Variants in MED26 observed in about 807,000 individuals in gnomAD.
MED26 encodes the protein mediator of RNA polymerase II transcription subunit 26.
In MED26, 7 loss-of-function variants were observed where a neutral mutation model predicts 43.7. The observed-to-expected ratio is 0.16, with a 90% CI of 0.09 to 0.30. MED26 has a LOEUF of 0.30. MED26 is among the 10% of genes least tolerant of loss of function. The pLI is 1.00. For synonymous variants in MED26, 375 were observed against 371.1 expected (o/e 1.01, Z -0.12); for missense variants, 784 against 840.6 (o/e 0.93, Z 0.83).
intron 1 of MED26, among the ~76,000 whole-genome samples, chr19:16,606,493 G>A (rs1442632444): frequency 6.6e-6 from 1 of 152,174 alleles, no homozygotes; most frequent in Non-Finnish European, 1.5e-5. Context: ...AGGTTGCAGT[G>A]AGCCAAGATC....
chr19:16,605,418 G>A (rs1415300876), intron 1 of MED26, among the ~76,000 whole-genome samples: 3 of 152,218 alleles, frequency 2.0e-5, no homozygotes, highest in Non-Finnish European at 2.9e-5. Context: ...AGACTGAGAT[G>A]AGAACTGAAG....
intron 1 of MED26, 129 bp from the exon 2 acceptor site, chr19:16,578,538 C>T (rs966965230): frequency 1.3e-6 from 1 of 797,012 alleles, no homozygotes; most frequent in African/African-American, 1.7e-5. Flanking sequence ...CTGAAGCCCC[C>T]ACTCCATGTC....
chr19:16,602,447 A>G (rs1214046365), intron 1 of MED26, among the ~76,000 whole-genome samples: 1 of 152,124 alleles, frequency 6.6e-6, no homozygotes, highest in African/African-American at 2.4e-5. Context: ...CCACCTTTCT[A>G]AACTTAACTC....
At chr19:16,593,015 G>A (rs1269137849) in intron 1 of MED26, among the ~76,000 whole-genome samples, 1 of 152,180 alleles carries the variant, frequency 6.6e-6, no homozygotes, top group Non-Finnish European at 1.5e-5. Flanking sequence ...GGCTGGCGCC[G>A]ACTCTGTAGG....
In MED26 at chr19:16,597,882, C is replaced by T. The variant is rs142886064; in HGVS notation, c.73-19473G>A. Among the ~76,000 whole-genome samples the T allele has an allele frequency of 6.6e-3, 1,010 of 152,194 alleles. 12 individuals are homozygous for T. Among genetic ancestry groups the T allele is most frequent in the African/African-American group, 0.023 (962 of 41,536 alleles). On this transcript the variant is annotated intron_variant, in intron 1 of 2. Coordinates refer to ENST00000263390, the MANE Select transcript of MED26 (RefSeq NM_004831.5). ...GGATTACAGGTGTGCACCACCTTGC[C>T]CGGCTAATTTTTTTGTATTTTTAGT...
chr19:16,608,098 A>C (rs2086182547), intron 1 of MED26, among the ~76,000 whole-genome samples: 1 of 152,208 alleles, frequency 6.6e-6, no homozygotes, highest in African/African-American at 2.4e-5. Flanking sequence ...ACACGTTCCA[A>C]TACATCTCCT....
At chr19:16,582,736 G>A (rs2086052058) in intron 1 of MED26, among the ~76,000 whole-genome samples, 1 of 152,206 alleles carries the variant, frequency 6.6e-6, no homozygotes. Context: ...TCCCAGGGAG[G>A]TCAAAAAAGG....
intron 1 of MED26, chr19:16,589,527 C>T (rs944348545): frequency 5.3e-5 from 8 of 151,942 alleles, no homozygotes; most frequent in Admixed American, 4.6e-4. Flanking sequence ...CAAAAAAACA[C>T]ATTTTTTTTT....
intron 1 of MED26, among the ~76,000 whole-genome samples, chr19:16,605,166 G>C (rs2086166883): frequency 6.6e-6 from 1 of 152,232 alleles, no homozygotes; most frequent in East Asian, 1.9e-4. Context: ...TAAATAAAAA[G>C]ACAAATGTGA....
chr19:16,583,564 T>C (rs2086056165), intron 1 of MED26, among the ~76,000 whole-genome samples: 1 of 151,876 alleles, frequency 6.6e-6, no homozygotes, highest in Non-Finnish European at 1.5e-5. Context: ...GAAGCAGGGG[T>C]AAATGCAGCA....
At chr19:16,613,738 A>G (rs530064156) in intron 1 of MED26, among the ~76,000 whole-genome samples, 1 of 152,332 alleles carries the variant, frequency 6.6e-6, no homozygotes, top group South Asian at 2.1e-4. Flanking sequence ...CAGAGTGAGC[A>G]CACAGTAAGA....
chr19:16,584,656 C>T (rs2086062775), intron 1 of MED26, among the ~76,000 whole-genome samples: 1 of 152,238 alleles, frequency 6.6e-6, no homozygotes. Flanking sequence ...ACCACGCATC[C>T]TCGTCTTTCA....
At chr19:16,598,336 CAAAAAAAAAA>C (rs35572400) in intron 1 of MED26, among the ~76,000 whole-genome samples, 3 of 63,418 alleles carry the variant, frequency 4.7e-5, no homozygotes, top group African/African-American at 2.2e-4. Flanking sequence ...GATTCCATCT[CAAAAAAAAAA>C]AAAAAAAAAA....
chr19:16,584,267 G>GAA (rs576169701), intron 1 of MED26, among the ~76,000 whole-genome samples: 1 of 96,686 alleles, frequency 1.0e-5, no homozygotes, highest in South Asian at 3.3e-4. Context: ...AAAAGAAAAA[G>GAA]AAAAAAAAAA....
rs558896511 is a variant in MED26 at position 16,604,874 on chromosome 19, T to C, written c.72+22998A>G. Among the ~76,000 whole-genome samples, 496 of 152,244 alleles carry C rather than the reference T, an allele frequency of 3.3e-3. 1 individual carries two copies. Among genetic ancestry groups the C allele is most frequent in the Admixed American group, 6.7e-3 (102 of 15,302 alleles). On this transcript the variant is annotated intron_variant, in intron 1 of 2. Transcript: ENST00000263390. ...AACTAGGTTGGGGACCACAAAAATATGTGTCCGTCCCAAGCCTCTGTGAGC... is the reference window on the plus strand; with the variant it reads ...AACTAGGTTGGGGACCACAAAAATACGTGTCCGTCCCAAGCCTCTGTGAGC...
chr19:16,618,426 C>A (rs2086235671), intron 1 of MED26, among the ~76,000 whole-genome samples: 1 of 152,192 alleles, frequency 6.6e-6, no homozygotes, highest in African/African-American at 2.4e-5. Flanking sequence ...CTGGCCAGCA[C>A]CTGCACTCGG....
Position 16,577,425 on chromosome 19 carries a change from C to T in MED26, c.405G>A (p.Arg135=), listed in dbSNP as rs757038907. ...HDLKSRNDLQ[R]LPGQRLDRLG... is the part of the protein sequence containing the mutation. ...GCCTGTCCAGCCGCTGCCCGGGCAG[C>T]CTCTGGAGGTCATTGCGGCTCTTCA... The change falls in exon 3 of 3, where the codon AGG becomes AGA. Residue 135 remains arginine (R), a synonymous_variant. Coordinates refer to ENST00000263390, the MANE Select transcript of MED26 (RefSeq NM_004831.5). This position sits in a 1 kb window ranked among gnomAD's most constrained non-coding sequence, Gnocchi z 8.1. The T allele has an allele frequency of 4.4e-6, 7 of 1,599,060 alleles. No homozygotes were observed. The highest frequency in any genetic ancestry group is 6.0e-6 in the Non-Finnish European group (7 of 1,170,698).
intron 1 of MED26, among the ~76,000 whole-genome samples, chr19:16,582,352 A>G (rs1447895929): frequency 3.9e-5 from 6 of 152,154 alleles, no homozygotes; most frequent in African/African-American, 1.2e-4. Flanking sequence ...TGCAGCGAGG[A>G]ATCCCTGCAA....
chr19:16,583,866 AG>A (rs1255497204), intron 1 of MED26, among the ~76,000 whole-genome samples: 1 of 152,192 alleles, frequency 6.6e-6, no homozygotes, highest in Non-Finnish European at 1.5e-5. Flanking sequence ...GCCTGGTCTC[AG>A]GTCATAGGCA....
Sources: allele counts gnomAD v4.1 joint callset (sites outside exome capture counted in the v4.1 genomes callset), GRCh38; gene constraint gnomAD v4.1.1; non-coding constraint Gnocchi (gnomAD v3.1); transcripts MANE v1.5; gene names NCBI Gene and HGNC (gene_info 2026-07-23, HGNC 2026-07-21).